GALNT14: variants seen among roughly 807,000 people sequenced by gnomAD.
GALNT14 encodes polypeptide N-acetylgalactosaminyltransferase 14, also known as UDP-GalNAc:polypeptide N-acetylgalactosaminyltransferase 14.
Under a neutral mutation model 77.5 loss-of-function variants are expected in GALNT14, and 60 were observed. The ratio of observed to expected loss-of-function variants is 0.77; its 90% CI spans 0.63 to 0.96. GALNT14 has a LOEUF of 0.96. GALNT14 is among the 40% of genes least tolerant of loss of function. The pLI, the probability that GALNT14 is intolerant of heterozygous loss-of-function variation, is 0.00. For missense variants in GALNT14, 710 were observed against 731.0 expected (o/e 0.97, Z 0.33); for synonymous variants, 280 against 281.7 (o/e 0.99, Z 0.06).
At chr2:30,904,257 C>T in the GALNT14 span, among the ~76,000 whole-genome samples, 3 of 152,198 alleles carry the variant, frequency 2.0e-5, no homozygotes, top group East Asian at 1.9e-4. Flanking sequence ...CCAGCGTGAG[C>T]GACGCAGAAG....
intron 6 of GALNT14, 125 bp downstream of exon 6, chr2:30,955,493 A>C: frequency 7.7e-7 from 1 of 1,295,400 alleles, no homozygotes; most frequent in Non-Finnish European, 1.1e-6. Context: ...TAAAATCGGG[A>C]CTGCGATCTG....
chr2:30,996,635 C>A (rs2148412620), intron 1 of GALNT14, among the ~76,000 whole-genome samples: 1 of 152,360 alleles, frequency 6.6e-6, no homozygotes, highest in African/African-American at 2.4e-5. Context: ...TACAGGGCAG[C>A]TGAACATCCC....
intron 2 of GALNT14, among the ~76,000 whole-genome samples, chr2:30,983,637 C>A (rs934068876): frequency 3.3e-5 from 5 of 152,180 alleles, no homozygotes; most frequent in African/African-American, 9.7e-5. Flanking sequence ...CACCAGATGA[C>A]ACTATTTATT....
chr2:30,915,536 G>A (rs931879384), intron 13 of GALNT14, among the ~76,000 whole-genome samples: 1 of 152,208 alleles, frequency 6.6e-6, no homozygotes, highest in African/African-American at 2.4e-5. Flanking sequence ...AGCAAGGAGA[G>A]CATTTTCGGA....
chr2:31,135,042 T>C (rs545602654), intron 1 of GALNT14, among the ~76,000 whole-genome samples: 1 of 152,338 alleles, frequency 6.6e-6, no homozygotes, highest in African/African-American at 2.4e-5. Flanking sequence ...TTATTTAACA[T>C]GCATGCATAG....
chr2:30,989,569 TATATATATATATAA>T (rs1183240551), intron 2 of GALNT14, among the ~76,000 whole-genome samples: 2 of 126,578 alleles, frequency 1.6e-5, no homozygotes, highest in Non-Finnish European at 3.1e-5. Flanking sequence ...CTTATATATA[TATATATATATATAA>T]AAATATATAT....
At chr2:31,133,791 T>C (rs1679096623) in intron 1 of GALNT14, among the ~76,000 whole-genome samples, 1 of 152,244 alleles carries the variant, frequency 6.6e-6, no homozygotes, top group Non-Finnish European at 1.5e-5. Context: ...ACAGTCTGAA[T>C]TAAAACACTC....
At chr2:30,994,581 G>A (rs570207459) in intron 1 of GALNT14, among the ~76,000 whole-genome samples, 67 of 152,238 alleles carry the variant, frequency 4.4e-4, no homozygotes, top group South Asian at 1.2e-3. Flanking sequence ...GTGATACTGC[G>A]GCTACAGAAC....
intron 1 of GALNT14, among the ~76,000 whole-genome samples, chr2:31,074,715 G>C (rs1019880647): frequency 2.0e-5 from 3 of 152,152 alleles, no homozygotes; most frequent in South Asian, 2.1e-4. Context: ...ACACTCATGC[G>C]AGCCCTCTTG....
At chr2:31,017,623 C>G (rs759420819) in intron 1 of GALNT14, among the ~76,000 whole-genome samples, 1 of 152,022 alleles carries the variant, frequency 6.6e-6, no homozygotes, top group Admixed American at 6.5e-5. Context: ...TCCCTGGGGG[C>G]CCACTCTGCA....
chr2:31,030,028 A>G (rs1206933957), intron 1 of GALNT14, among the ~76,000 whole-genome samples: 1 of 152,224 alleles, frequency 6.6e-6, no homozygotes, highest in African/African-American at 2.4e-5. Flanking sequence ...AGCATTGTGC[A>G]TATCATACAG....
chr2:30,975,377 T>C (rs1031661943), intron 2 of GALNT14, among the ~76,000 whole-genome samples: 1 of 152,238 alleles, frequency 6.6e-6, no homozygotes, highest in Non-Finnish European at 1.5e-5. Context: ...AGGGCAGCCA[T>C]GAGCCACATG....
At chr2:30,940,032 C>G (rs183641789) in intron 9 of GALNT14, among the ~76,000 whole-genome samples, 3 of 150,558 alleles carry the variant, frequency 2.0e-5, no homozygotes, top group East Asian at 3.9e-4. Flanking sequence ...AAATGGCTTT[C>G]AAAGTGCTGT....
chr2:30,932,140 C>CT lies in GALNT14; in HGVS notation c.985dup (p.Ser329LysfsTer17). Reference sequence around the variant, plus strand: ...CTTCCGGAAGACGTGCCCCACTCGGCTGCAGGGGACGATCTCTAGGCTGCC... The same window carrying CT: ...CTTCCGGAAGACGTGCCCCACTCGGCTTGCAGGGGACGATCTCTAGGCTGCC... On this transcript the variant is annotated frameshift_variant, in exon 10 of 15. Coordinates refer to ENST00000349752, the MANE Select transcript of GALNT14 (RefSeq NM_024572.4). LOFTEE classifies it high-confidence loss of function. The CT allele has an allele frequency of 6.4e-7, 1 of 1,571,642 alleles. No individual in the cohort carries two copies. Among genetic ancestry groups the CT allele is most frequent in the Non-Finnish European group, 8.6e-7 (1 of 1,158,708 alleles).
chr2:31,076,419 C>A (rs1281804459), intron 1 of GALNT14, among the ~76,000 whole-genome samples: 1 of 152,116 alleles, frequency 6.6e-6, no homozygotes, highest in Non-Finnish European at 1.5e-5. Context: ...CCTGTCTCCA[C>A]CCCCGCTCTG....
At chr2:31,034,416 C>T (rs569964938) in intron 1 of GALNT14, among the ~76,000 whole-genome samples, 1 of 152,324 alleles carries the variant, frequency 6.6e-6, no homozygotes, top group Admixed American at 6.5e-5. Flanking sequence ...CCAGCTCACA[C>T]TTCAAAATAG....
intron 1 of GALNT14, among the ~76,000 whole-genome samples, chr2:31,010,546 T>C (rs1379739982): frequency 1.3e-5 from 2 of 151,868 alleles, no homozygotes; most frequent in East Asian, 1.9e-4. Flanking sequence ...ACCCGGGAGG[T>C]GGAGCTTGCA....
chr2:31,073,199 G>C (rs1280041197), intron 1 of GALNT14: 1 of 152,108 alleles, frequency 6.6e-6, no homozygotes, highest in Non-Finnish European at 1.5e-5. Flanking sequence ...ATATGAAAAG[G>C]GACTCACTCT....
chr2:30,901,584 G>A, the GALNT14 span, among the ~76,000 whole-genome samples: 1 of 151,248 alleles, frequency 6.6e-6, no homozygotes, highest in Non-Finnish European at 1.5e-5. Context: ...GTATATATGT[G>A]AGTATATATA....
Sources: allele counts gnomAD v4.1 joint callset (sites outside exome capture counted in the v4.1 genomes callset), GRCh38; gene constraint gnomAD v4.1.1; transcripts MANE v1.5; gene names NCBI Gene and HGNC (gene_info 2026-07-23, HGNC 2026-07-21).